The following CNTNAP5 variants were observed in gnomAD, a reference collection of about 807,000 sequenced individuals.
CNTNAP5 encodes the protein contactin-associated protein-like 5.
In CNTNAP5, 72 loss-of-function variants were observed where a neutral mutation model predicts 150.2. The observed-to-expected ratio is 0.48, with a 90% CI of 0.40 to 0.58. CNTNAP5 has a LOEUF of 0.58. Ranked by LOEUF, CNTNAP5 falls within the 20% of genes least tolerant of loss-of-function variation. CNTNAP5 has a pLI of 0.00. For missense variants in CNTNAP5, 1,636 were observed against 1,626.2 expected, an observed-to-expected ratio of 1.01 and a Z score of -0.10; for synonymous variants, 672 against 619.8, an observed-to-expected ratio of 1.08 and a Z score of -1.25.
rs140067400 is a variant in CNTNAP5, at chr2:124,536,911, G to A, written c.1649+9455G>A. Among the ~76,000 whole-genome samples the A allele has an allele frequency of 3.3e-5, 5 of 152,174 alleles. No individual in the cohort carries two copies. In the East Asian group the frequency reaches 7.7e-4, roughly 24 times the overall value. On this transcript the variant is annotated intron_variant, in intron 10 of 23. Transcript: ENST00000682447. Reference sequence around the variant, plus strand: ...ATGCAAGAGAACTGAAATCAGAACCGGAGTAAACTTGCCAGTGCACAAAAC... The same window carrying A: ...ATGCAAGAGAACTGAAATCAGAACCAGAGTAAACTTGCCAGTGCACAAAAC...
intron 3 of CNTNAP5, among the ~76,000 whole-genome samples, chr2:124,267,755 A>G (rs1361427273): frequency 1.3e-5 from 2 of 152,218 alleles, no homozygotes; most frequent in East Asian, 1.9e-4. Flanking sequence ...AATGTTCTGT[A>G]TACAAGATTA....
chr2:124,242,488 T>C (rs1686912783), intron 3 of CNTNAP5, 95 bp downstream of exon 3: 2 of 1,227,050 alleles, frequency 1.6e-6, no homozygotes, highest in East Asian at 2.6e-5. Context: ...AGATTGTTGG[T>C]AGTTTAATAA....
At chr2:124,304,075 G>A (rs769659158) in intron 3 of CNTNAP5, among the ~76,000 whole-genome samples, 2 of 152,072 alleles carry the variant, frequency 1.3e-5, no homozygotes, top group Non-Finnish European at 2.9e-5. Flanking sequence ...TTTTATTAAT[G>A]CCAGGAACTA....
intron 13 of CNTNAP5, among the ~76,000 whole-genome samples, chr2:124,725,375 G>A (rs1307349610): frequency 1.3e-5 from 2 of 151,864 alleles, no homozygotes; most frequent in Non-Finnish European, 2.9e-5. Flanking sequence ...TACATTATGA[G>A]ATGATTACCA....
intron 8 of CNTNAP5, among the ~76,000 whole-genome samples, chr2:124,521,820 C>G (rs1158869448): frequency 6.6e-6 from 1 of 152,132 alleles, no homozygotes; most frequent in South Asian, 2.1e-4. Flanking sequence ...TCCCCAAATA[C>G]CCCTGAAAGA....
intron 13 of CNTNAP5, among the ~76,000 whole-genome samples, chr2:124,694,963 G>A (rs753578901): frequency 2.0e-5 from 3 of 151,766 alleles, no homozygotes; most frequent in African/African-American, 7.3e-5. Flanking sequence ...TCAAATAATA[G>A]CTTTAGAATA....
Position 124,351,060 on chromosome 2 carries a change from C to T in CNTNAP5, c.382-66383C>T, listed in dbSNP as rs558418727. Among the ~76,000 whole-genome samples, 8 of 152,270 alleles carry T rather than the reference C, an allele frequency of 5.3e-5. No homozygotes were observed. In the South Asian group the frequency reaches 8.3e-4, roughly 16 times the overall value. On this transcript the variant is annotated intron_variant, in intron 3 of 23. Transcript: ENST00000682447. ...TCTCTGATATCACCTTATCTGTACA[C>T]GACAGATAGTGTCTTTGATAGTTAC...
At chr2:124,315,863 GA>G (rs200192860) in intron 3 of CNTNAP5, among the ~76,000 whole-genome samples, 10,293 of 151,948 alleles carry the variant, frequency 0.068, 425 homozygotes, top group Non-Finnish European at 0.091. Flanking sequence ...TGCAGCATGA[GA>G]AAAAAAATTT....
At chr2:124,751,323 G>A (rs967020498) in intron 14 of CNTNAP5, among the ~76,000 whole-genome samples, 4 of 152,214 alleles carry the variant, frequency 2.6e-5, no homozygotes, top group East Asian at 1.9e-4. Context: ...TTGCACAGTC[G>A]TCATTTGAGA....
intron 13 of CNTNAP5, among the ~76,000 whole-genome samples, chr2:124,655,624 G>T (rs138297089): frequency 5.2e-4 from 79 of 151,916 alleles, no homozygotes; most frequent in African/African-American, 1.7e-3. Context: ...TGGACTGGGT[G>T]CCATGGCTTA....
chr2:124,439,462 G>A (rs537600988), intron 5 of CNTNAP5, among the ~76,000 whole-genome samples: 5 of 152,290 alleles, frequency 3.3e-5, no homozygotes, highest in Admixed American at 1.3e-4. Flanking sequence ...TATAACAAAT[G>A]TATTAAGATA....
chr2:124,116,985 A>G (rs1342950667), intron 1 of CNTNAP5, among the ~76,000 whole-genome samples: 1 of 152,218 alleles, frequency 6.6e-6, no homozygotes, highest in Non-Finnish European at 1.5e-5. Flanking sequence ...GGTCCTTGGC[A>G]TGTTTTGCCA....
intron 3 of CNTNAP5, among the ~76,000 whole-genome samples, chr2:124,308,276 T>C (rs1226552987): frequency 2.0e-5 from 3 of 151,456 alleles, no homozygotes; most frequent in Non-Finnish European, 4.4e-5. Context: ...CTGCCAGTCT[T>C]GGTCATTAAT....
intron 8 of CNTNAP5, among the ~76,000 whole-genome samples, chr2:124,511,511 G>A (rs1558934027): frequency 6.6e-6 from 1 of 152,200 alleles, no homozygotes; most frequent in Non-Finnish European, 1.5e-5. Context: ...CTAATCAGAT[G>A]TAGGACATGA....
intron 13 of CNTNAP5, among the ~76,000 whole-genome samples, chr2:124,738,048 A>G (rs1680423649): frequency 6.6e-6 from 1 of 152,164 alleles, no homozygotes; most frequent in Non-Finnish European, 1.5e-5. Flanking sequence ...CTTAGTTTCT[A>G]GATTGTGTGT....
intron 3 of CNTNAP5, among the ~76,000 whole-genome samples, chr2:124,334,845 C>T (rs1422809019): frequency 1.3e-5 from 2 of 151,802 alleles, no homozygotes; most frequent in African/African-American, 4.8e-5. Context: ...ATATAGAAGA[C>T]TTTCCAACTT....
intron 23 of CNTNAP5, among the ~76,000 whole-genome samples, chr2:124,913,224 G>A (rs1471158918): frequency 6.6e-6 from 1 of 151,950 alleles, no homozygotes; most frequent in Non-Finnish European, 1.5e-5. Context: ...TAAATTCTTT[G>A]CTTATCATAC....
chr2:124,737,221 G>A (rs1680401677), intron 13 of CNTNAP5, among the ~76,000 whole-genome samples: 1 of 151,728 alleles, frequency 6.6e-6, no homozygotes, highest in African/African-American at 2.4e-5. Context: ...AACCTGGGAG[G>A]CGGAGGTTGC....
chr2:124,729,957 A>G (rs973357342), intron 13 of CNTNAP5, among the ~76,000 whole-genome samples: 2 of 152,090 alleles, frequency 1.3e-5, no homozygotes, highest in African/African-American at 2.4e-5. Context: ...ACTTGTTCGT[A>G]TTGACTGAGA....
Sources: allele counts gnomAD v4.1 joint callset (sites outside exome capture counted in the v4.1 genomes callset), GRCh38; gene constraint gnomAD v4.1.1; transcripts MANE v1.5; gene names NCBI Gene and HGNC (gene_info 2026-07-23, HGNC 2026-07-21).